PRDM11: variants seen among roughly 807,000 people sequenced by gnomAD.
PRDM11 encodes PR domain-containing protein 11.
In PRDM11, 20 loss-of-function variants were observed where a neutral mutation model predicts 97.8. The observed-to-expected ratio is 0.20, with a 90% CI of 0.14 to 0.30. The LOEUF (loss-of-function observed/expected upper bound fraction) is 0.30. PRDM11 is among the 10% of genes least tolerant of loss of function. The pLI is 1.00. For missense variants in PRDM11, 1,139 were observed against 1,555.2 expected, an observed-to-expected ratio of 0.73 and a Z score of 4.50; for synonymous variants, 599 against 637.7, an observed-to-expected ratio of 0.94 and a Z score of 0.91.
intron 1 of PRDM11, among the ~76,000 whole-genome samples, chr11:45,138,314 C>T (rs1852920627): frequency 6.6e-6 from 1 of 152,090 alleles, no homozygotes; most frequent in South Asian, 2.1e-4. Flanking sequence ...GCCTATAATC[C>T]TAGTATCTTG....
Position 45,124,177 on chromosome 11 carries a change from A to AT in PRDM11, c.96+28281dup, listed in dbSNP as rs531613188. Among the ~76,000 whole-genome samples, 1,464 of 151,362 alleles carry AT rather than the reference A, an allele frequency of 9.7e-3. 16 individuals carry two copies. Among genetic ancestry groups the AT allele is most frequent in the African/African-American group, 0.034 (1,388 of 41,244 alleles). ...TTATTGGTGTATAAGAATGCTTGTG[A>AT]TTTTTGTACATTGATTTTGTATCCT... is the stretch of plus-strand genomic sequence containing the variant. On this transcript the variant is annotated intron_variant, in intron 1 of 6. Transcript: ENST00000530656.
At chr11:45,156,205 C>G (rs1416077008) in intron 1 of PRDM11, among the ~76,000 whole-genome samples, 1 of 152,194 alleles carries the variant, frequency 6.6e-6, no homozygotes. Context: ...AAAGAAAGTA[C>G]AGCATATGAG....
intron 1 of PRDM11, among the ~76,000 whole-genome samples, chr11:45,103,209 GA>G (rs1852008313): frequency 6.6e-6 from 1 of 152,162 alleles, no homozygotes; most frequent in Admixed American, 6.5e-5. Flanking sequence ...CCAAAGCCCA[GA>G]AACCCTGACC....
rs554838698 is a variant in PRDM11, at chr11:45,131,129, C to T, written c.96+35228C>T. On this transcript the variant is annotated intron_variant, in intron 1 of 6. Coordinates refer to the PRDM11 transcript ENST00000530656. ...AATCACACAGATACAATGATGAGCA[C>T]AAGGAGTAGGTGTAAAAGTCAACAT... 5.9e-5 allele frequency among the ~76,000 whole-genome samples: 9 copies of T among 152,260 alleles called. No individual in the cohort carries two copies. In the South Asian group the frequency reaches 1.9e-3, roughly 32 times the overall value.
chr11:45,231,768 A>T lies in PRDM11; in HGVS notation c.*3609A>T, dbSNP rs1390513780. On this transcript the variant is annotated 3_prime_UTR_variant, in exon 8 of 8. Transcript: ENST00000683152. ...ATGAGGACAGCGCAGTCAAGTCTGT[A>T]ACTCTTGCCATGTCAGAATCCCCAA... The T allele has an allele frequency of 6.6e-6, 1 of 151,900 alleles. No individual in the cohort carries two copies. The highest frequency in any genetic ancestry group is 1.5e-5 in the Non-Finnish European group (1 of 67,986). The allele number at this position is 151,900 out of a possible 1,614,324, so 9.4% of individuals were successfully genotyped here.
intron 1 of PRDM11, among the ~76,000 whole-genome samples, chr11:45,112,613 T>G (rs1372416402): frequency 1.3e-5 from 2 of 152,244 alleles, no homozygotes; most frequent in Non-Finnish European, 2.9e-5. Context: ...GTTTTTTGAC[T>G]TTTTAATGAT....
chr11:45,101,526 A>G (rs1851975402), intron 1 of PRDM11, among the ~76,000 whole-genome samples: 1 of 147,724 alleles, frequency 6.8e-6, no homozygotes, highest in Non-Finnish European at 1.5e-5. Flanking sequence ...ACTGCACTGC[A>G]GCCTGGGTGA....
At chr11:45,110,622 C>G (rs1259750956) in intron 1 of PRDM11, among the ~76,000 whole-genome samples, 1 of 152,228 alleles carries the variant, frequency 6.6e-6, no homozygotes, top group African/African-American at 2.4e-5. Flanking sequence ...CCCGGCGCAA[C>G]GACCTCACCA....
chr11:45,126,482 T>C (rs1451108458), intron 1 of PRDM11, among the ~76,000 whole-genome samples: 20 of 152,172 alleles, frequency 1.3e-4, no homozygotes, highest in Admixed American at 1.3e-3. Context: ...TACCGGTTGT[T>C]CCTTTCCATG....
intron 1 of PRDM11, among the ~76,000 whole-genome samples, chr11:45,118,576 G>A (rs966108849): frequency 9.9e-5 from 15 of 152,196 alleles, no homozygotes; most frequent in African/African-American, 3.6e-4. Flanking sequence ...ATGGAATAAA[G>A]AGGAAATATC....
intron 1 of PRDM11, among the ~76,000 whole-genome samples, chr11:45,127,734 C>A (rs1852610736): frequency 6.6e-6 from 1 of 152,212 alleles, no homozygotes. Context: ...AGAGGAGTAC[C>A]CGGCCCTGTG....
intron 1 of PRDM11, among the ~76,000 whole-genome samples, chr11:45,172,850 A>G (rs1473506925): frequency 6.6e-6 from 1 of 152,160 alleles, no homozygotes; most frequent in Non-Finnish European, 1.5e-5. Flanking sequence ...AATTCCCCTC[A>G]GATACCAGGG....
At chr11:45,149,996 C>G (rs2135682017) in intron 1 of PRDM11, among the ~76,000 whole-genome samples, 1 of 152,316 alleles carries the variant, frequency 6.6e-6, no homozygotes, top group East Asian at 1.9e-4. Flanking sequence ...ACATGCATAT[C>G]TGAGCTTATA....
intron 4 of PRDM11, among the ~76,000 whole-genome samples, chr11:45,200,268 C>T (rs1235589256): frequency 6.6e-6 from 1 of 152,238 alleles, no homozygotes; most frequent in Non-Finnish European, 1.5e-5. Context: ...ACAGCCCTCA[C>T]CCAGTCCTCT....
At chr11:45,099,224 G>A (rs1270093301) in intron 1 of PRDM11, among the ~76,000 whole-genome samples, 3 of 151,770 alleles carry the variant, frequency 2.0e-5, no homozygotes, top group African/African-American at 7.3e-5. Context: ...AGGCTGAGGT[G>A]GGCAGATTGC....
chr11:45,200,990 T>C (rs1853306670), intron 4 of PRDM11, among the ~76,000 whole-genome samples: 1 of 151,260 alleles, frequency 6.6e-6, no homozygotes. Flanking sequence ...TTACAACTGA[T>C]GGTGATGGTG....
Position 45,102,755 on chromosome 11 carries a change from C to A in PRDM11, c.96+6854C>A, listed in dbSNP as rs145194754. 3.1e-3 allele frequency among the ~76,000 whole-genome samples: 474 copies of A among 152,338 alleles called. 6 individuals are homozygous for A. Among genetic ancestry groups the A allele is most frequent in the African/African-American group, 0.011 (459 of 41,580 alleles). On this transcript the variant is annotated intron_variant, in intron 1 of 6. Coordinates refer to the PRDM11 transcript ENST00000530656. The stretch of plus-strand genomic sequence containing the variant: ...CCTGGTGGATGCTGGAAACGCCAGG[C>A]GAGCCTCTGGCCACAGAAGGTGGTG...
intron 1 of PRDM11, among the ~76,000 whole-genome samples, chr11:45,153,846 CA>C (rs1851721961): frequency 6.6e-6 from 1 of 152,152 alleles, no homozygotes; most frequent in Admixed American, 6.5e-5. Flanking sequence ...TATGGAGCAC[CA>C]GGACACTGAC....
At chr11:45,171,069 A>T (rs1197221419) in intron 1 of PRDM11, among the ~76,000 whole-genome samples, 2 of 151,778 alleles carry the variant, frequency 1.3e-5, no homozygotes, top group Admixed American at 1.3e-4. Flanking sequence ...ATTGAAGGTT[A>T]TGGGTTTTTT....
Sources: allele counts gnomAD v4.1 joint callset (sites outside exome capture counted in the v4.1 genomes callset), GRCh38; gene constraint gnomAD v4.1.1; transcripts MANE v1.5; gene names NCBI Gene and HGNC (gene_info 2026-07-23, HGNC 2026-07-21).